Variants in ARAP2 observed in about 807,000 individuals in gnomAD.
ARAP2 encodes arf-GAP with Rho-GAP domain, ANK repeat and PH domain-containing protein 2.
Under a neutral mutation model 194.5 loss-of-function variants are expected in ARAP2, and 148 were observed. That is an observed-to-expected ratio of 0.76 (90% CI 0.67 to 0.87). The LOEUF (loss-of-function observed/expected upper bound fraction) is 0.87, where lower values mean the gene tolerates loss of function less well. ARAP2 is among the 40% of genes least tolerant of loss of function. The probability of loss-of-function intolerance (pLI) is 0.00; values close to 1 mark genes in which losing one functional copy is unlikely to be tolerated. For missense variants in ARAP2, 2,128 were observed against 1,989.7 expected (o/e 1.07, Z -1.32); for synonymous variants, 695 against 683.5 (o/e 1.02, Z -0.26).
At chr4:36,182,228 C>A (rs939843392) in intron 8 of ARAP2, among the ~76,000 whole-genome samples, 2 of 152,184 alleles carry the variant, frequency 1.3e-5, no homozygotes, top group African/African-American at 4.8e-5. Flanking sequence ...CATGGTGGCT[C>A]ACGCCTGTAA....
chr4:36,228,928 C>T lies in ARAP2; in HGVS notation c.559G>A (p.Val187Met). 2.5e-6 allele frequency: 4 copies of T among 1,614,038 alleles called. No homozygotes were observed. Among genetic ancestry groups the T allele is most frequent in the Non-Finnish European group, 3.4e-6 (4 of 1,179,962 alleles). Residue 187 changes from valine (V) to methionine (M), a missense_variant, in exon 2 of 33, where the codon GTG becomes ATG. Coordinates refer to ENST00000303965, the MANE Select transcript of ARAP2 (RefSeq NM_015230.4). ...TGTTGTTCTTCAACTGTGTGATCCACAGTCTTCTTTGTAATCAATGATTCT... is the reference window on the plus strand; with the variant it reads ...TGTTGTTCTTCAACTGTGTGATCCATAGTCTTCTTTGTAATCAATGATTCT... ...KIESLITKKT[V>M]DHTVEEQQTE... is the part of the protein sequence containing the mutation.
chr4:36,140,555 T>G (rs1728068007), intron 19 of ARAP2, among the ~76,000 whole-genome samples: 1 of 151,738 alleles, frequency 6.6e-6, no homozygotes, highest in East Asian at 1.9e-4. Context: ...GGCTACTGTT[T>G]AATTTGCAAT....
intron 2 of ARAP2, among the ~76,000 whole-genome samples, chr4:36,054,858 A>G (rs1030215358): frequency 6.6e-6 from 1 of 152,194 alleles, no homozygotes; most frequent in African/African-American, 2.4e-5. Flanking sequence ...CTAGGGCATA[A>G]TAGAAGATCC....
intron 19 of ARAP2, among the ~76,000 whole-genome samples, chr4:36,135,281 T>C (rs1160036115): frequency 6.6e-6 from 1 of 151,770 alleles, no homozygotes; most frequent in African/African-American, 2.4e-5. Flanking sequence ...CTTTTACATT[T>C]CTGATAATCA....
chr4:36,100,870 T>C (rs1364369747), intron 27 of ARAP2, among the ~76,000 whole-genome samples: 2 of 152,014 alleles, frequency 1.3e-5, no homozygotes, highest in African/African-American at 4.8e-5. Flanking sequence ...AAGTAATCTA[T>C]TTCTTAGGAT....
chr4:36,199,333 C>G (rs899774110), intron 6 of ARAP2, among the ~76,000 whole-genome samples: 2 of 152,130 alleles, frequency 1.3e-5, no homozygotes, highest in African/African-American at 4.8e-5. Flanking sequence ...ACTCTGTCAC[C>G]CAAGCGGGAG....
At chr4:36,165,568 T>C (rs1346519236) in intron 10 of ARAP2, among the ~76,000 whole-genome samples, 1 of 152,002 alleles carries the variant, frequency 6.6e-6, no homozygotes, top group Admixed American at 6.6e-5. Flanking sequence ...GATTTAAGAA[T>C]AGATTCTTTT....
chr4:36,068,147 ATT>A lies in ARAP2; in HGVS notation c.4873_4874del (p.Asn1625SerfsTer17). 6.2e-7 allele frequency: 1 copy of A among 1,613,770 alleles called. No homozygotes were observed. Among genetic ancestry groups the A allele is most frequent in the Non-Finnish European group, 8.5e-7 (1 of 1,179,770 alleles). ...TGAAACTCCGATGTTTTCGGGGTCG[ATT>A]TCGAAGTTTATCGTCCTTGTGCTCC... ...CLEHKDDKLR[N>X]RPRKHRSFNC... On this transcript the variant is annotated frameshift_variant, in exon 33 of 33. Coordinates refer to ENST00000303965, the MANE Select transcript of ARAP2 (RefSeq NM_015230.4). LOFTEE classifies it low-confidence loss of function (END_TRUNC).
At chr4:36,029,725 A>G (rs967826100) in intron 5 of ARAP2, among the ~76,000 whole-genome samples, 1 of 151,470 alleles carries the variant, frequency 6.6e-6, no homozygotes, top group Non-Finnish European at 1.5e-5. Context: ...TGTTATTTGT[A>G]AAGATTTCAG....
intron 26 of ARAP2, among the ~76,000 whole-genome samples, chr4:36,113,945 G>A (rs1720673250): frequency 6.6e-6 from 1 of 151,832 alleles, no homozygotes; most frequent in South Asian, 2.1e-4. Context: ...CAGCAAAAGC[G>A]GTACCTAAAG....
intron 5 of ARAP2, among the ~76,000 whole-genome samples, chr4:36,044,147 T>G (rs2109234607): frequency 6.6e-6 from 1 of 152,200 alleles, no homozygotes; most frequent in Non-Finnish European, 1.5e-5. Flanking sequence ...TGAAAAAGGA[T>G]GTGGAAAGAG....
intron 27 of ARAP2, among the ~76,000 whole-genome samples, chr4:36,105,839 T>C (rs1718267794): frequency 6.6e-6 from 1 of 151,978 alleles, no homozygotes. Context: ...TTTTTATTCA[T>C]ATAGCCAACC....
At chr4:36,105,512 C>T (rs1004184048) in intron 27 of ARAP2, among the ~76,000 whole-genome samples, 3 of 151,940 alleles carry the variant, frequency 2.0e-5, no homozygotes, top group Non-Finnish European at 4.4e-5. Context: ...ACACTCATAA[C>T]TCCATCTAGA....
rs185304414 is a variant in ARAP2 at position 36,198,556 on chromosome 4, C to T, written c.1488-4909G>A. 4.8e-3 allele frequency among the ~76,000 whole-genome samples: 727 copies of T among 152,336 alleles called. 24 individuals carry two copies. The highest frequency in any genetic ancestry group is 0.044 in the Admixed American group (666 of 15,304). On this transcript the variant is annotated intron_variant, in intron 6 of 32. Coordinates refer to ENST00000303965, the MANE Select transcript of ARAP2 (RefSeq NM_015230.4). Reference sequence around the variant, plus strand: ...GGCCAGTGCTGAGTTGACCTCAGCGCTTCCTTGGCTTTCCTCCCTCCCATG... The same window carrying T: ...GGCCAGTGCTGAGTTGACCTCAGCGTTTCCTTGGCTTTCCTCCCTCCCATG...
At chr4:36,103,532 T>G (rs2109443633) in intron 27 of ARAP2, among the ~76,000 whole-genome samples, 1 of 151,768 alleles carries the variant, frequency 6.6e-6, no homozygotes, top group African/African-American at 2.4e-5. Flanking sequence ...AAATGAAGTT[T>G]CATTCTCCCT....
chr4:36,106,456 G>A (rs1444499739), intron 27 of ARAP2, among the ~76,000 whole-genome samples: 2 of 146,544 alleles, frequency 1.4e-5, no homozygotes, highest in South Asian at 2.3e-4. Context: ...GTACTTTCAC[G>A]TAAGTAAAAG....
intron 22 of ARAP2, among the ~76,000 whole-genome samples, chr4:36,122,284 T>C (rs1369670555): frequency 2.0e-5 from 3 of 151,822 alleles, no homozygotes; most frequent in African/African-American, 7.3e-5. Flanking sequence ...CCCAAAGGAA[T>C]ATAAATCATT....
At position 36,233,152 on chromosome 4, in the gene ARAP2, A is replaced by G. The variant is rs188574707; in HGVS notation, c.-159-3507T>C. Among the ~76,000 whole-genome samples the G allele has an allele frequency of 2.7e-4, 41 of 152,320 alleles. 1 individual carries two copies. The highest frequency in any genetic ancestry group is 2.6e-3 in the Admixed American group (40 of 15,302). On this transcript the variant is annotated intron_variant, in intron 1 of 32. Transcript: ENST00000303965. ...CATTTTAACTGTCTGAACACCCAAG[A>G]GTGTTCACAGATCCAATTCTTAGAT...
At chr4:36,031,848 T>C (rs985853247) in intron 5 of ARAP2, among the ~76,000 whole-genome samples, 9 of 152,112 alleles carry the variant, frequency 5.9e-5, no homozygotes, top group Non-Finnish European at 1.3e-4. Flanking sequence ...TTTGTATTTT[T>C]AGTAGAAACG....
Sources: gnomAD v4.1 joint callset for allele counts (sites outside exome capture counted in the v4.1 genomes callset) on GRCh38, gnomAD v4.1.1 for gene constraint, MANE v1.5 for transcripts, NCBI Gene and HGNC (gene_info 2026-07-23, HGNC 2026-07-21) for gene names.